TP53I11: variants seen among roughly 807,000 people sequenced by gnomAD.
TP53I11 encodes tumor protein p53-inducible protein 11.
Under a neutral mutation model 23.3 loss-of-function variants are expected in TP53I11, and 9 were observed. The observed-to-expected ratio is 0.39, with a 90% confidence interval of 0.23 to 0.67. TP53I11 has a LOEUF of 0.67. TP53I11 is among the 30% of genes least tolerant of loss of function. The pLI, the probability that TP53I11 is intolerant of heterozygous loss-of-function variation, is 0.48. For synonymous variants in TP53I11, 100 were observed against 106.1 expected (o/e 0.94, Z 0.35); for missense variants, 170 against 255.2 (o/e 0.67, Z 2.27).
At position 44,946,499 on chromosome 11, in the gene TP53I11, C is replaced by T. The variant is rs1238623770; in HGVS notation, c.-32+4178G>A. 3.9e-5 allele frequency among the ~76,000 whole-genome samples: 6 copies of T among 152,344 alleles called. 1 individual carries two copies. The South Asian group carries it at 1.2e-3, about 32-fold the overall frequency. On this transcript the variant is annotated intron_variant, in intron 1 of 6. Transcript: ENST00000525680. The stretch of plus-strand genomic sequence containing the variant: ...GCTGCTGCAAAGAGTGAGGACAGAG[C>T]GGAACTGGCCGGGAGAGGCAGGCGC...
chr11:44,938,056 T>A (rs1024032144), intron 2 of TP53I11, 151 bp downstream of exon 2: 66 of 1,180,336 alleles, frequency 5.6e-5, no homozygotes, highest in Non-Finnish European at 6.8e-5. Context: ...ATGATCTCGT[T>A]ATTCCCCTGG....
At chr11:44,937,442 G>A (rs552588027) in intron 3 of TP53I11, 90 bp from the exon 4 acceptor site, 8 of 1,504,124 alleles carry the variant, frequency 5.3e-6, no homozygotes, top group East Asian at 2.4e-5. Flanking sequence ...CTTTGGGGAA[G>A]GTAATGAGAC....
chr11:44,940,514 C>T (rs1861644285), intron 1 of TP53I11: 2 of 152,196 alleles, frequency 1.3e-5, no homozygotes, highest in African/African-American at 4.8e-5. Context: ...AGCGTAGAAC[C>T]TTTTGAGGCT....
chr11:44,945,774 C>A (rs896705007), intron 1 of TP53I11, among the ~76,000 whole-genome samples: 2 of 152,134 alleles, frequency 1.3e-5, no homozygotes, highest in African/African-American at 4.8e-5. Context: ...AGCCTCAGGC[C>A]CCCGGCCAGA....
intron 1 of TP53I11, chr11:44,943,138 G>C (rs1039528562): frequency 3.9e-5 from 6 of 152,256 alleles, no homozygotes; most frequent in African/African-American, 1.4e-4. Context: ...AATGGGGGTA[G>C]TGAGAACGCT....
intron 1 of TP53I11, among the ~76,000 whole-genome samples, chr11:44,947,428 C>G (rs573453839): frequency 2.6e-5 from 4 of 152,180 alleles, no homozygotes; most frequent in African/African-American, 7.2e-5. Context: ...GCCCCTCCCC[C>G]ACCCCGTGGC....
chr11:44,937,002 C>G (rs1861210635), intron 4 of TP53I11, 103 bp from the exon 5 acceptor site: 2 of 895,748 alleles, frequency 2.2e-6, no homozygotes, highest in Admixed American at 5.2e-5. Flanking sequence ...GGAGCAGGAT[C>G]AGCATCCTTG....
Position 44,934,993 on chromosome 11 carries a change from G to A in TP53I11, c.461C>T (p.Thr154Met), listed in dbSNP as rs772106768. ...FLVVTATLAETGLMSLGILLL... is the reference protein window; with the variant it reads ...FLVVTATLAEMGLMSLGILLL... Reference sequence around the variant, plus strand: ...CAGGATCCCCAGGGACATGAGGCCCGTCTCAGCTAGCGTGGCAGTGACCAC... The same window carrying A: ...CAGGATCCCCAGGGACATGAGGCCCATCTCAGCTAGCGTGGCAGTGACCAC... Residue 154 changes from threonine to methionine, a missense_variant, in exon 7 of 7, where the codon ACG becomes ATG. Coordinates refer to ENST00000525680, the MANE Select transcript of TP53I11 (RefSeq NM_006034.5). The A allele has an allele frequency of 9.3e-6, 15 of 1,613,922 alleles. No individual in the cohort carries two copies. The highest frequency in any genetic ancestry group is 1.7e-4 in the Middle Eastern group (1 of 6,060).
At chr11:44,949,331 G>A (rs1431783204) in intron 1 of TP53I11, among the ~76,000 whole-genome samples, 6 of 152,160 alleles carry the variant, frequency 3.9e-5, no homozygotes, top group Admixed American at 2.0e-4. Context: ...GAGGTCCAAG[G>A]GACCACATAG....
chr11:44,946,795 A>C (rs1288198646), intron 1 of TP53I11, among the ~76,000 whole-genome samples: 1 of 152,040 alleles, frequency 6.6e-6, no homozygotes, highest in Non-Finnish European at 1.5e-5. Flanking sequence ...GAAAATGAGA[A>C]TGTGGTCTCT....
At position 44,936,843 on chromosome 11, in the gene TP53I11, G is replaced by T. The variant is rs1391478094; in HGVS notation, c.294C>A (p.Thr98=). 6 of 1,609,190 alleles carry T rather than the reference G, an allele frequency of 3.7e-6. No homozygotes were observed. Among genetic ancestry groups the T allele is most frequent in the Non-Finnish European group, 5.1e-6 (6 of 1,178,384 alleles). ...YDAVFDGAQV[T]SKTPIRLYGG... ...CGTAGAGGCGGATGGGGGTCTTGCT[G>T]GTCACCTGGGCTCCATCAAAGACCG... is the stretch of plus-strand genomic sequence containing the variant. Residue 98 remains threonine, a synonymous_variant, in exon 5 of 7, where the codon ACC becomes ACA. Transcript: ENST00000525680. This position sits in a 1 kb window ranked among gnomAD's most constrained non-coding sequence, Gnocchi z 4.4.
At chr11:44,943,130 T>G (rs977999381) in intron 1 of TP53I11, 1 of 152,082 alleles carries the variant, frequency 6.6e-6, no homozygotes, top group Non-Finnish European at 1.5e-5. Context: ...TCTTGTGAAA[T>G]GGGGGTAGTG....
intron 1 of TP53I11, among the ~76,000 whole-genome samples, chr11:44,944,358 C>T (rs1471972356): frequency 6.6e-6 from 1 of 152,192 alleles, no homozygotes; most frequent in Non-Finnish European, 1.5e-5. Flanking sequence ...GTTCAACAGG[C>T]ATTTGTGATT....
rs75823719 is a variant in TP53I11 at position 44,936,586 on chromosome 11, G to A, written c.334+217C>T. The A allele has an allele frequency of 5.7e-3, 7,441 of 1,306,084 alleles. 312 individuals are homozygous for A. In the African/African-American group the frequency reaches 0.095, roughly 17 times the overall value. 80.9% of individuals were successfully genotyped at this position (1,306,084 alleles called of 1,614,324 possible). A position where few individuals can be genotyped will look rare whatever the true frequency, so the allele number is the denominator to read the frequency against. On this transcript the variant is annotated intron_variant, in intron 5 of 6. Transcript: ENST00000525680. The surrounding 1 kb of genome is among the most constrained non-coding windows in gnomAD (Gnocchi z 4.4). ...ATGAGCGCTCCTTGCAGATGGTGGCGACTGCAAGCTCCAACCCACTGGGTG... is the reference window on the plus strand; with the variant it reads ...ATGAGCGCTCCTTGCAGATGGTGGCAACTGCAAGCTCCAACCCACTGGGTG...
chr11:44,933,441 C>G lies in TP53I11; in HGVS notation c.*1443G>C, dbSNP rs576127599. On this transcript the variant is annotated 3_prime_UTR_variant, in exon 7 of 7. Transcript: ENST00000525680. Reference sequence around the variant, plus strand: ...GCTGCTTTTCTCCCTACACCTGTCCCCAGGGCTTGGGCTCGCCACTTCCGG... The same window carrying G: ...GCTGCTTTTCTCCCTACACCTGTCCGCAGGGCTTGGGCTCGCCACTTCCGG... 9 of 152,976 alleles carry G rather than the reference C, an allele frequency of 5.9e-5. No individual in the cohort carries two copies. In the East Asian group the frequency reaches 1.7e-3, roughly 29 times the overall value. The allele number at this position is 152,976 out of a possible 1,614,324, so 9.5% of individuals were successfully genotyped here.
chr11:44,937,579 G>A lies in TP53I11; in HGVS notation c.164C>T (p.Thr55Ile). 6.2e-7 allele frequency: 1 copy of A among 1,613,798 alleles called. No homozygotes were observed. The highest frequency in any genetic ancestry group is 8.5e-7 in the Non-Finnish European group (1 of 1,179,932). Residue 55 changes from threonine (T) to isoleucine (I), a missense_variant, in exon 3 of 7, where the codon ACC becomes ATC. Coordinates refer to ENST00000525680, the MANE Select transcript of TP53I11 (RefSeq NM_006034.5). ...CCTGAGCCCCAAAGGCTCCCGAATGGTAAACTTGATTTCATTGCCTAAGAC... is the reference window on the plus strand; with the variant it reads ...CCTGAGCCCCAAAGGCTCCCGAATGATAAACTTGATTTCATTGCCTAAGAC... ...SQVLGNEIKF[T>I]IREPLGLRVW...
chr11:44,945,898 C>T (rs1590794930), intron 1 of TP53I11, among the ~76,000 whole-genome samples: 1 of 152,310 alleles, frequency 6.6e-6, no homozygotes, highest in Admixed American at 6.5e-5. Context: ...CTGCCGTCGG[C>T]CCCTTGGGCA....
At chr11:44,935,130 C>T (rs1860942924) in intron 6 of TP53I11, 113 bp from the exon 7 acceptor site, 1 of 1,496,420 alleles carries the variant, frequency 6.7e-7, no homozygotes, top group African/African-American at 1.4e-5. Flanking sequence ...GCTCTGAGCC[C>T]AGGATCCTCC....
rs1486419257 is a variant in TP53I11, at chr11:44,936,810, G to A, written c.327C>T (p.Ala109=). The A allele has an allele frequency of 6.3e-7, 1 of 1,597,914 alleles. No homozygotes were observed. Among genetic ancestry groups the A allele is most frequent in the Non-Finnish European group, 8.5e-7 (1 of 1,173,470 alleles). ...SKTPIRLYGG[A]LLSISLIMWN... ...CGCCCCAGCAGTACTCACTGAGGAG[G>A]GCACCGCCGTAGAGGCGGATGGGGG... Residue 109 remains alanine (A), a synonymous_variant, in exon 5 of 7, where the codon GCC becomes GCT. Coordinates refer to ENST00000525680, the MANE Select transcript of TP53I11 (RefSeq NM_006034.5). The surrounding 1 kb of genome is among the most constrained non-coding windows in gnomAD (Gnocchi z 4.4).
Sources: allele counts gnomAD v4.1 joint callset (sites outside exome capture counted in the v4.1 genomes callset), GRCh38; gene constraint gnomAD v4.1.1; non-coding constraint Gnocchi (gnomAD v3.1); transcripts MANE v1.5; gene names NCBI Gene and HGNC (gene_info 2026-07-23, HGNC 2026-07-21).